ST14: variants seen among roughly 807,000 people sequenced by gnomAD.
The protein encoded by ST14 is suppressor of tumorigenicity 14 protein.
ST14 carries 40 observed loss-of-function variants against 96.5 expected under a neutral mutation model. The ratio of observed to expected loss-of-function variants is 0.41; its 90% CI spans 0.32 to 0.54. ST14 has a LOEUF of 0.54. Among genes scored for constraint, ST14 ranks in the 20% least tolerant of loss-of-function variants. The pLI, the probability that ST14 is intolerant of heterozygous loss-of-function variation, is 0.17. For missense variants in ST14, 1,066 were observed against 1,188.9 expected (o/e 0.90, Z 1.52); for synonymous variants, 506 against 492.1 (o/e 1.03, Z -0.37).
intron 1 of ST14, among the ~76,000 whole-genome samples, chr11:130,173,973 AC>A (rs1185506238): frequency 3.9e-5 from 6 of 152,192 alleles, no homozygotes; most frequent in Admixed American, 1.3e-4. Context: ...GTTTCCAAAA[AC>A]ATTTTTTAAG....
At chr11:130,169,034 T>TA (rs11345590) in intron 1 of ST14, among the ~76,000 whole-genome samples, 1 of 146,980 alleles carries the variant, frequency 6.8e-6, no homozygotes. Context: ...TTTGTGCAGT[T>TA]AAAAAAAAAG....
In ST14 at chr11:130,179,390, C is replaced by T. The variant is rs184488714; in HGVS notation, c.82-8724C>T. On this transcript the variant is annotated intron_variant, in intron 1 of 18. Transcript: ENST00000278742. The stretch of plus-strand genomic sequence containing the variant: ...CGTGAAAATTGGCTTCTAGAGAGAT[C>T]GATTACCCCTGGTTGGGGAGTGGGT... 1.2e-3 allele frequency among the ~76,000 whole-genome samples: 183 copies of T among 152,292 alleles called. 2 individuals are homozygous for T. Among genetic ancestry groups the T allele is most frequent in the Non-Finnish European group, 4.6e-4 (31 of 68,022 alleles).
chr11:130,210,044 T>C lies in ST14; in HGVS notation c.*221T>C. ...TAGAAGGGGAGGACACTGGTGGTTC[T>C]ACTGACCCAACTGGGGGCAAAGGTT... On this transcript the variant is annotated 3_prime_UTR_variant, in exon 19 of 19. Transcript: ENST00000278742. 1.6e-6 allele frequency: 1 copy of C among 608,914 alleles called. No homozygotes were observed. Among genetic ancestry groups the C allele is most frequent in the Non-Finnish European group, 2.8e-6 (1 of 355,500 alleles). 37.7% of individuals were successfully genotyped at this position (608,914 alleles called of 1,614,324 possible).
At chr11:130,201,724 C>T (rs1029017037) in intron 16 of ST14, among the ~76,000 whole-genome samples, 8 of 152,230 alleles carry the variant, frequency 5.3e-5, no homozygotes, top group African/African-American at 1.9e-4. Flanking sequence ...GGACTACAGG[C>T]ACATGCCACC....
intron 16 of ST14, among the ~76,000 whole-genome samples, chr11:130,206,319 C>A (rs969123312): frequency 5.9e-5 from 9 of 152,144 alleles, no homozygotes; most frequent in African/African-American, 1.9e-4. Flanking sequence ...TGGCTCGGGA[C>A]GCCCAACAGG....
intron 1 of ST14, among the ~76,000 whole-genome samples, chr11:130,169,836 C>T (rs946456472): frequency 2.5e-4 from 38 of 152,108 alleles, no homozygotes; most frequent in African/African-American, 7.7e-4. Context: ...GTCAAGAAAA[C>T]GAATGAAAAG....
rs1368517404 is a variant in ST14, at chr11:130,194,190, A to G, written c.917A>G (p.His306Arg). 6.2e-7 allele frequency: 1 copy of G among 1,612,742 alleles called. No homozygotes were observed. The highest frequency in any genetic ancestry group is 8.5e-7 in the Non-Finnish European group (1 of 1,179,664). ...CCTCCCTCCTACAACCTGACCTTCCACTCCTCCCAGAACGTCCTGCTCATC... is the reference window on the plus strand; with the variant it reads ...CCTCCCTCCTACAACCTGACCTTCCGCTCCTCCCAGAACGTCCTGCTCATC... ...TYPPSYNLTFHSSQNVLLITL... is the reference protein window; with the variant it reads ...TYPPSYNLTFRSSQNVLLITL... Residue 306 changes from histidine to arginine, a missense_variant, in exon 8 of 19, where the codon CAC becomes CGC. By Grantham distance (29) the His-to-Arg change is conservative. Coordinates refer to ENST00000278742, the MANE Select transcript of ST14 (RefSeq NM_021978.4).
In ST14 at chr11:130,208,591, A is replaced by G; in HGVS notation, c.2176A>G (p.Met726Val). 1 of 1,614,174 alleles carries G rather than the reference A, an allele frequency of 6.2e-7. No individual in the cohort carries two copies. The highest frequency in any genetic ancestry group is 8.5e-7 in the Non-Finnish European group (1 of 1,180,030). The part of the protein sequence containing the change: ...ELEKPAEYSS[M>V]VRPICLPDAS... The stretch of plus-strand genomic sequence containing the variant: ...GGAGAAACCGGCAGAGTACAGCTCC[A>G]TGGTGCGGCCCATCTGCCTGCCGGA... The change falls in exon 17 of 19, where the codon ATG becomes GTG. Residue 726 changes from methionine (M) to valine (V), a missense_variant. Transcript: ENST00000278742.
intron 12 of ST14, 35 bp downstream of exon 12, chr11:130,197,980 T>TCCTTC (rs898867117): frequency 1.3e-6 from 2 of 1,535,406 alleles, no homozygotes; most frequent in African/African-American, 2.7e-5. Flanking sequence ...CTCCCCACCC[T>TCCTTC]CCTTCCCCAC....
rs566982302 is a variant in ST14, at chr11:130,183,123, A to AT, written c.82-4983dup. On this transcript the variant is annotated intron_variant, in intron 1 of 18. Coordinates refer to ENST00000278742, the MANE Select transcript of ST14 (RefSeq NM_021978.4). ...AGGCGTCCACGACCACGCCTGGCTA[A>AT]TTTTTTTTGTATTTTTAGTAGAGAT... is the stretch of plus-strand genomic sequence containing the variant. 6.1e-3 allele frequency among the ~76,000 whole-genome samples: 907 copies of AT among 149,030 alleles called. 3 individuals carry two copies. The highest frequency in any genetic ancestry group is 0.043 in the Middle Eastern group (12 of 276).
chr11:130,173,743 C>T (rs1212098182), intron 1 of ST14, among the ~76,000 whole-genome samples: 1 of 152,124 alleles, frequency 6.6e-6, no homozygotes, highest in Non-Finnish European at 1.5e-5. Flanking sequence ...CACATCTACC[C>T]GCCCTTGTCA....
At position 130,196,669 on chromosome 11, in the gene ST14, A is replaced by T. The variant is rs1468222512; in HGVS notation, c.1323A>T (p.Leu441Phe). The T allele has an allele frequency of 6.2e-7, 1 of 1,614,082 alleles. No homozygotes were observed. Among genetic ancestry groups the T allele is most frequent in the Non-Finnish European group, 8.5e-7 (1 of 1,180,042 alleles). ...AGTCCTACACCGACACCGGCTTCTT[A>T]GCTGAATACCTCTCCTACGACTCCA... ...SDQSYTDTGF[L>F]AEYLSYDSSD... Residue 441 changes from leucine (L) to phenylalanine (F), a missense_variant, in exon 11 of 19, where the codon TTA becomes TTT. By Grantham distance (22) the Leu-to-Phe change is conservative. Coordinates refer to ENST00000278742, the MANE Select transcript of ST14 (RefSeq NM_021978.4).
chr11:130,195,716 G>T lies in ST14; in HGVS notation c.1114-623G>T, dbSNP rs1055961403. Among the ~76,000 whole-genome samples the T allele has an allele frequency of 1.3e-5, 2 of 152,224 alleles. 1 individual carries two copies. Among genetic ancestry groups the T allele is most frequent in the Admixed American group, 1.3e-4 (2 of 15,276 alleles). ...AAAAATACAAAAATTAGCCGGGTGT[G>T]ATGGCGGGCACCTGTAATCCCAGCT... On this transcript the variant is annotated intron_variant, in intron 9 of 18. Coordinates refer to ENST00000278742, the MANE Select transcript of ST14 (RefSeq NM_021978.4).
Position 130,188,919 on chromosome 11 carries a change from G to A in ST14, c.420G>A (p.Glu140=), listed in dbSNP as rs534087274. ...CATTCCTGGGCCCCTACCACAAGGA[G>A]TCGGCTGTGACGGCCTTCAGGTGGG... ...GVPFLGPYHK[E]SAVTAFSEGS... Residue 140 remains glutamate (E), a synonymous_variant, in exon 4 of 19, where the codon GAG becomes GAA. Coordinates refer to ENST00000278742, the MANE Select transcript of ST14 (RefSeq NM_021978.4). This position sits in a 1 kb window ranked among gnomAD's most constrained non-coding sequence, Gnocchi z 5.4. 6.2e-7 allele frequency: 1 copy of A among 1,611,884 alleles called. No individual in the cohort carries two copies. Among genetic ancestry groups the A allele is most frequent in the South Asian group, 1.1e-5 (1 of 90,282 alleles).
At chr11:130,202,829 C>T (rs1409247572) in intron 16 of ST14, among the ~76,000 whole-genome samples, 1 of 152,202 alleles carries the variant, frequency 6.6e-6, no homozygotes, top group Admixed American at 6.5e-5. Flanking sequence ...AAGCGCGACC[C>T]TACCTCACAG....
At position 130,196,696 on chromosome 11, in the gene ST14, T is replaced by C. The variant is rs756827762; in HGVS notation, c.1350T>C (p.Ser450=). 3 of 1,614,210 alleles carry C rather than the reference T, an allele frequency of 1.9e-6. No homozygotes were observed. In the South Asian group the frequency reaches 3.3e-5, roughly 18 times the overall value. The change falls in exon 11 of 19, where the codon AGT becomes AGC. Residue 450 remains serine, a synonymous_variant. Coordinates refer to ENST00000278742, the MANE Select transcript of ST14 (RefSeq NM_021978.4). ...CTGAATACCTCTCCTACGACTCCAG[T>C]GACCGTGAGTGAACATTGTTGGGAG... ...FLAEYLSYDS[S]DPCPGQFTCR...
chr11:130,166,775 G>T (rs1355901152), intron 1 of ST14, among the ~76,000 whole-genome samples: 3 of 152,196 alleles, frequency 2.0e-5, no homozygotes, highest in African/African-American at 7.2e-5. Flanking sequence ...GAGAGATCAG[G>T]CATGGAAGTG....
rs1282625218 is a variant in ST14, at chr11:130,204,786, C to G, written c.1995-3624C>G. Reference sequence around the variant, plus strand: ...CCAAGATCATGCCACTACACTCCAGCCTAGGCAACAGAGTAAGACTCCATC... The same window carrying G: ...CCAAGATCATGCCACTACACTCCAGGCTAGGCAACAGAGTAAGACTCCATC... On this transcript the variant is annotated intron_variant, in intron 16 of 18. Coordinates refer to ENST00000278742, the MANE Select transcript of ST14 (RefSeq NM_021978.4). Among the ~76,000 whole-genome samples the G allele has an allele frequency of 2.6e-5, 4 of 152,012 alleles. No individual in the cohort carries two copies. In the East Asian group the frequency reaches 7.7e-4, roughly 29 times the overall value.
Position 130,196,597 on chromosome 11 carries a change from C to A in ST14, c.1251C>A (p.Val417=), listed in dbSNP as rs373479766. The change falls in exon 11 of 19, where the codon GTC becomes GTA. Residue 417 remains valine, a synonymous_variant. Transcript: ENST00000278742. ...EKYCGERSQF[V]VTSNSNKITV... is the part of the protein sequence containing the mutation. ...ACTGCGGAGAGAGGTCCCAGTTCGT[C>A]GTCACCAGCAACAGCAACAAGATCA... 7.4e-6 allele frequency: 12 copies of A among 1,612,004 alleles called. No individual in the cohort carries two copies. Among genetic ancestry groups the A allele is most frequent in the African/African-American group, 1.3e-5 (1 of 74,684 alleles).
Sources: allele counts gnomAD v4.1 joint callset (sites outside exome capture counted in the v4.1 genomes callset), GRCh38; gene constraint gnomAD v4.1.1; non-coding constraint Gnocchi (gnomAD v3.1); transcripts MANE v1.5; gene names NCBI Gene and HGNC (gene_info 2026-07-23, HGNC 2026-07-21).